SLC35F1: variants seen among roughly 807,000 people sequenced by gnomAD.
The protein encoded by SLC35F1 is solute carrier family 35 member F1.
In SLC35F1, 14 loss-of-function variants were observed where a neutral mutation model predicts 48.7. The ratio of observed to expected loss-of-function variants is 0.29; its 90% CI spans 0.19 to 0.45. The LOEUF (loss-of-function observed/expected upper bound fraction) is 0.45. Ranked by LOEUF, SLC35F1 falls within the 20% of genes least tolerant of loss-of-function variation. The pLI, the probability that SLC35F1 is intolerant of heterozygous loss-of-function variation, is 1.00. For missense variants in SLC35F1, 404 were observed against 500.0 expected, an observed-to-expected ratio of 0.81 and a Z score of 1.83; for synonymous variants, 190 against 202.2, an observed-to-expected ratio of 0.94 and a Z score of 0.51.
intron 2 of SLC35F1, among the ~76,000 whole-genome samples, chr6:118,165,147 G>A (rs951948394): frequency 6.6e-6 from 1 of 152,144 alleles, no homozygotes; most frequent in Admixed American, 6.5e-5. Flanking sequence ...GGTTGCCAAA[G>A]GAAGAAGTGG....
intron 1 of SLC35F1, chr6:117,999,214 G>A: frequency 1.3e-6 from 2 of 1,595,874 alleles, no homozygotes; most frequent in Non-Finnish European, 1.7e-6. Flanking sequence ...AGCCCAAGGA[G>A]GTTAAGCCCA....
At chr6:117,950,796 G>A (rs186757824) in intron 1 of SLC35F1, among the ~76,000 whole-genome samples, 1 of 152,302 alleles carries the variant, frequency 6.6e-6, no homozygotes, top group East Asian at 1.9e-4. Flanking sequence ...ATTTGAAAAT[G>A]TGCAGTGTTG....
chr6:118,116,850 G>C (rs1275487027), intron 1 of SLC35F1, among the ~76,000 whole-genome samples: 1 of 152,134 alleles, frequency 6.6e-6, no homozygotes, highest in Non-Finnish European at 1.5e-5. Context: ...TCAAATAATA[G>C]AAGCTCAGTA....
intron 1 of SLC35F1, among the ~76,000 whole-genome samples, chr6:118,017,602 G>A (rs1477513362): frequency 6.6e-6 from 1 of 152,142 alleles, no homozygotes; most frequent in Non-Finnish European, 1.5e-5. Context: ...TACTAATTAT[G>A]TTTCTGTCAC....
intron 1 of SLC35F1, among the ~76,000 whole-genome samples, chr6:118,124,663 A>G (rs1271723815): frequency 6.6e-6 from 1 of 152,140 alleles, no homozygotes; most frequent in Non-Finnish European, 1.5e-5. Flanking sequence ...TATCATGACC[A>G]TTTGAAGGTT....
At chr6:118,275,778 C>T (rs283086) in intron 5 of SLC35F1, among the ~76,000 whole-genome samples, 163 bp downstream of exon 5, 82,129 of 152,024 alleles carry the variant, frequency 0.54, 22,676 homozygotes, top group African/African-American at 0.62. Context: ...ATTAGTAAAT[C>T]ACCTCCAAAT....
intron 2 of SLC35F1, among the ~76,000 whole-genome samples, chr6:118,235,125 A>G (rs565064405): frequency 5.3e-5 from 8 of 152,132 alleles, no homozygotes; most frequent in African/African-American, 1.9e-4. Context: ...ATTTTTATCT[A>G]TTTTATCACA....
chr6:118,303,879 C>G (rs184402439), intron 7 of SLC35F1, among the ~76,000 whole-genome samples: 1 of 152,176 alleles, frequency 6.6e-6, no homozygotes, highest in African/African-American at 2.4e-5. Context: ...CCAAGTACAA[C>G]CATATTAGGG....
chr6:118,025,172 T>C (rs2114887757), intron 1 of SLC35F1, among the ~76,000 whole-genome samples: 1 of 152,302 alleles, frequency 6.6e-6, no homozygotes. Context: ...GTTAGCACAT[T>C]AAATGTAGTT....
chr6:118,259,042 A>G (rs1253523999), intron 3 of SLC35F1, among the ~76,000 whole-genome samples: 5 of 151,888 alleles, frequency 3.3e-5, no homozygotes, highest in Admixed American at 2.6e-4. Flanking sequence ...TTAAAGCTAT[A>G]AAAAATTTTC....
chr6:118,094,673 G>C (rs1225328712), intron 1 of SLC35F1, among the ~76,000 whole-genome samples: 2 of 152,056 alleles, frequency 1.3e-5, no homozygotes, highest in African/African-American at 4.8e-5. Flanking sequence ...TGAGTAAGAA[G>C]AGGGAGGACT....
At chr6:118,096,437 G>A (rs1047793079) in intron 1 of SLC35F1, among the ~76,000 whole-genome samples, 1 of 152,110 alleles carries the variant, frequency 6.6e-6, no homozygotes, top group Admixed American at 6.6e-5. Context: ...AATCTTTGTT[G>A]GGAACAGAAA....
At chr6:118,263,741 T>C (rs176014) in intron 3 of SLC35F1, among the ~76,000 whole-genome samples, 96,438 of 151,946 alleles carry the variant, frequency 0.63, 31,296 homozygotes, top group African/African-American at 0.73. Flanking sequence ...TCTTTTCTAC[T>C]TCTCTAACAA....
At chr6:118,177,278 A>G (rs941381402) in intron 2 of SLC35F1, among the ~76,000 whole-genome samples, 4 of 152,096 alleles carry the variant, frequency 2.6e-5, no homozygotes, top group Admixed American at 2.0e-4. Context: ...TCTAAATTAG[A>G]TACTGTCAAG....
intron 4 of SLC35F1, 132 bp from the exon 5 acceptor site, chr6:118,275,327 T>C (rs374352672): frequency 3.1e-6 from 3 of 973,506 alleles, no homozygotes; most frequent in African/African-American, 3.3e-5. Flanking sequence ...TAAATCTCAG[T>C]TGGAAATTGC....
At chr6:118,073,601 G>T (rs1448425684) in intron 1 of SLC35F1, among the ~76,000 whole-genome samples, 1 of 152,134 alleles carries the variant, frequency 6.6e-6, no homozygotes, top group Non-Finnish European at 1.5e-5. Flanking sequence ...CCATGAGTAA[G>T]TCTGTAAATC....
intron 1 of SLC35F1, among the ~76,000 whole-genome samples, chr6:118,008,183 C>T (rs769898668): frequency 1.3e-4 from 20 of 151,964 alleles, no homozygotes; most frequent in Non-Finnish European, 2.5e-4. Context: ...GATCACTAGA[C>T]ATTGTATACA....
chr6:117,993,285 T>C (rs748201908), intron 1 of SLC35F1, among the ~76,000 whole-genome samples: 1 of 152,154 alleles, frequency 6.6e-6, no homozygotes, highest in Non-Finnish European at 1.5e-5. Context: ...TGTGGCTTCC[T>C]ATGGTAATGT....
Position 118,285,182 on chromosome 6 carries a change from AG to A in SLC35F1, c.848del. On this transcript the variant is annotated splice_acceptor_variant, in intron 6 of 7. Coordinates refer to ENST00000360388, the MANE Select transcript of SLC35F1 (RefSeq NM_001029858.4). LOFTEE classifies it high-confidence loss of function. ...GCTGCCTTCTCTTTACTCTTCCCCCAGGACTGCTCTACGTTGGCTTTAGTGC... is the reference window on the plus strand; with the variant it reads ...GCTGCCTTCTCTTTACTCTTCCCCCAGACTGCTCTACGTTGGCTTTAGTGC... 1 of 1,613,686 alleles carries A rather than the reference AG, an allele frequency of 6.2e-7. No homozygotes were observed. Among genetic ancestry groups the A allele is most frequent in the Non-Finnish European group, 8.5e-7 (1 of 1,179,720 alleles).
Sources: gnomAD v4.1 joint callset for allele counts (sites outside exome capture counted in the v4.1 genomes callset) on GRCh38, gnomAD v4.1.1 for gene constraint, MANE v1.5 for transcripts, NCBI Gene and HGNC (gene_info 2026-07-23, HGNC 2026-07-21) for gene names.